Variants in ZFHX3 observed in about 807,000 individuals in gnomAD.
The protein encoded by ZFHX3 is zinc finger homeobox protein 3.
A neutral mutation model predicts 279.1 loss-of-function variants in ZFHX3; 42 were observed. The observed-to-expected ratio is 0.15, with a 90% confidence interval of 0.12 to 0.19. The LOEUF (loss-of-function observed/expected upper bound fraction) is 0.19. Ranked by LOEUF, ZFHX3 falls within the 10% of genes least tolerant of loss-of-function variation. ZFHX3 has a pLI of 1.00. For synonymous variants in ZFHX3, 2,293 were observed against 1,957.8 expected, an observed-to-expected ratio of 1.17 and a Z score of -4.52; for missense variants, 4,981 against 4,754.0, an observed-to-expected ratio of 1.05 and a Z score of -1.40.
intron 1 of ZFHX3, among the ~76,000 whole-genome samples, chr16:73,761,073 A>T (rs2053860801): frequency 6.6e-6 from 1 of 152,136 alleles, no homozygotes; most frequent in Admixed American, 6.5e-5. Context: ...ATGATTCTTT[A>T]TCTAGAAAAC....
chr16:73,466,521 G>C (rs544992302), intron 2 of ZFHX3, among the ~76,000 whole-genome samples: 2 of 152,118 alleles, frequency 1.3e-5, no homozygotes, highest in African/African-American at 4.8e-5. Context: ...CCCACATCTA[G>C]AAGACTTTTA....
intron 2 of ZFHX3, among the ~76,000 whole-genome samples, chr16:73,600,683 G>A (rs2052104182): frequency 6.6e-6 from 1 of 152,100 alleles, no homozygotes; most frequent in African/African-American, 2.4e-5. Context: ...GCCTCCCAAA[G>A]TGCTAGGATT....
At chr16:73,560,223 C>T (rs533769961) in intron 2 of ZFHX3, among the ~76,000 whole-genome samples, 4 of 126,362 alleles carry the variant, frequency 3.2e-5, no homozygotes, top group African/African-American at 6.7e-5. Flanking sequence ...TTTCAGAGAC[C>T]GCAATGTGCA....
chr16:73,519,586 C>T (rs994545999), intron 2 of ZFHX3, among the ~76,000 whole-genome samples: 1 of 152,102 alleles, frequency 6.6e-6, no homozygotes, highest in Admixed American at 6.6e-5. Flanking sequence ...CCAAAGGAGA[C>T]CACCGTTCTC....
intron 5 of ZFHX3, among the ~76,000 whole-genome samples, chr16:73,168,223 C>G (rs969943112): frequency 7.7e-6 from 1 of 129,732 alleles, no homozygotes; most frequent in East Asian, 2.3e-4. Context: ...TTCTTTCTTT[C>G]TTTCTTTCTT....
chr16:73,488,127 AG>A (rs1421128262), intron 2 of ZFHX3, among the ~76,000 whole-genome samples: 1 of 152,216 alleles, frequency 6.6e-6, no homozygotes, highest in Non-Finnish European at 1.5e-5. Flanking sequence ...AACTGGTACA[AG>A]GTCCTCACAA....
chr16:73,884,850 T>C (rs2030295216), intron 1 of ZFHX3, among the ~76,000 whole-genome samples: 1 of 152,182 alleles, frequency 6.6e-6, no homozygotes, highest in Admixed American at 6.5e-5. Flanking sequence ...TCATCTATTG[T>C]TTATTGTCCT....
intron 2 of ZFHX3, among the ~76,000 whole-genome samples, chr16:73,519,411 C>T (rs1027202526): frequency 6.6e-6 from 1 of 152,038 alleles, no homozygotes; most frequent in Non-Finnish European, 1.5e-5. Context: ...TATTATCTGC[C>T]TTGTTTTTTT....
chr16:73,502,375 G>A (rs2019254516), intron 2 of ZFHX3, among the ~76,000 whole-genome samples: 4 of 152,170 alleles, frequency 2.6e-5, no homozygotes, highest in African/African-American at 7.2e-5. Context: ...TGACGAGGTC[G>A]TCATGCTGTC....
rs546825547 is a variant in ZFHX3, at chr16:73,868,406, C to T, written c.-1608+23245G>A. ...GGGCCTGGTGGCATGTGCCTGTAATCCCAGCTACTCGGGAGGCCGAGACAG... is the reference window on the plus strand; with the variant it reads ...GGGCCTGGTGGCATGTGCCTGTAATTCCAGCTACTCGGGAGGCCGAGACAG... On this transcript the variant is annotated intron_variant, in intron 1 of 17. Transcript: ENST00000641206. 6.6e-5 allele frequency among the ~76,000 whole-genome samples: 10 copies of T among 152,338 alleles called. No homozygotes were observed. In the East Asian group the frequency reaches 1.7e-3, roughly 26 times the overall value.
intron 1 of ZFHX3, among the ~76,000 whole-genome samples, chr16:73,697,619 A>G (rs1253234380): frequency 6.6e-6 from 1 of 152,170 alleles, no homozygotes; most frequent in Non-Finnish European, 1.5e-5. Context: ...AAGAATCAAG[A>G]CTTGGCTTAA....
intron 4 of ZFHX3, among the ~76,000 whole-genome samples, chr16:72,872,883 T>G (rs901467371): frequency 3.3e-5 from 5 of 152,230 alleles, no homozygotes; most frequent in African/African-American, 1.2e-4. Context: ...ATTGCAATTT[T>G]TGGCCCTGCC....
intron 4 of ZFHX3, among the ~76,000 whole-genome samples, chr16:73,278,814 G>A (rs965676987): frequency 3.9e-5 from 6 of 152,208 alleles, no homozygotes; most frequent in Admixed American, 6.5e-5. Context: ...GCTACAGAGC[G>A]CTGATTGGTG....
At chr16:72,976,133 G>T (rs1368154789) in intron 1 of ZFHX3, among the ~76,000 whole-genome samples, 10 of 152,196 alleles carry the variant, frequency 6.6e-5, no homozygotes, top group Non-Finnish European at 1.5e-5. Context: ...TATGAAAAAT[G>T]CATGTTAACA....
chr16:73,578,524 T>C (rs1290058760), intron 2 of ZFHX3, among the ~76,000 whole-genome samples: 2 of 152,156 alleles, frequency 1.3e-5, no homozygotes, highest in African/African-American at 4.8e-5. Flanking sequence ...AAGAGGAGAA[T>C]ATAATATGCA....
intron 1 of ZFHX3, among the ~76,000 whole-genome samples, chr16:73,795,153 C>T (rs1423668795): frequency 1.3e-5 from 2 of 152,336 alleles, no homozygotes; most frequent in South Asian, 2.1e-4. Flanking sequence ...AGGTCCCAGG[C>T]TCAGACCGCA....
rs1384838235 is a variant in ZFHX3, at chr16:73,416,753, A to G, written c.-1291+39250T>C. 2.7e-5 allele frequency among the ~76,000 whole-genome samples: 4 copies of G among 146,504 alleles called. No individual in the cohort carries two copies. The East Asian group carries it at 5.9e-4, about 21-fold the overall frequency. ...GCCGGGTGCGGTGGCGGGCGCCTGT[A>G]GTCCCAGCTACCAGGGAGGCTGAAG... On this transcript the variant is annotated intron_variant, in intron 3 of 17. Coordinates refer to the ZFHX3 transcript ENST00000641206.
intron 2 of ZFHX3, among the ~76,000 whole-genome samples, chr16:73,463,963 C>T (rs1382363720): frequency 6.6e-6 from 1 of 152,112 alleles, no homozygotes; most frequent in Non-Finnish European, 1.5e-5. Flanking sequence ...GTCTACCATG[C>T]CTTAAGAAAC....
At chr16:73,242,853 G>C (rs1234990059) in intron 5 of ZFHX3, among the ~76,000 whole-genome samples, 1 of 152,172 alleles carries the variant, frequency 6.6e-6, no homozygotes, top group African/African-American at 2.4e-5. Flanking sequence ...GGAGGTGTGG[G>C]GTAGAGGGTA....
Sources: gnomAD v4.1 joint callset for allele counts (sites outside exome capture counted in the v4.1 genomes callset) on GRCh38, gnomAD v4.1.1 for gene constraint, MANE v1.5 for transcripts, NCBI Gene and HGNC (gene_info 2026-07-23, HGNC 2026-07-21) for gene names.